The following GRB2 variants were observed in gnomAD, a reference collection of about 807,000 sequenced individuals.
GRB2 encodes growth factor receptor-bound protein 2.
GRB2 carries 2 observed loss-of-function variants against 27.4 expected under a neutral mutation model. That is an observed-to-expected ratio of 0.07 (90% confidence interval 0.03 to 0.23). The LOEUF (loss-of-function observed/expected upper bound fraction) is 0.23. Ranked by LOEUF, GRB2 falls within the 10% of genes least tolerant of loss-of-function variation. The pLI is 1.00. For missense variants in GRB2, 102 were observed against 282.4 expected, an observed-to-expected ratio of 0.36 and a Z score of 4.58; for synonymous variants, 94 against 99.6, an observed-to-expected ratio of 0.94 and a Z score of 0.33.
rs1486071092 is a variant in GRB2, at chr17:75,324,469, C to A, written c.299+1429G>T. Among the ~76,000 whole-genome samples, 5 of 143,946 alleles carry A rather than the reference C, an allele frequency of 3.5e-5. 1 individual carries two copies. Among genetic ancestry groups the A allele is most frequent in the Non-Finnish European group, 7.5e-5 (5 of 66,808 alleles). 94.4% of individuals were successfully genotyped at this position (143,946 alleles called of 152,430 possible). On this transcript the variant is annotated intron_variant, in intron 4 of 5. Coordinates refer to ENST00000316804, the MANE Select transcript of GRB2 (RefSeq NM_002086.5). ...AGGTGATCTGCCTGCCTCGGCCTCC[C>A]AAAGTGCTGGGATTACAGGTGTGAG... is the stretch of plus-strand genomic sequence containing the variant.
intron 3 of GRB2, among the ~76,000 whole-genome samples, chr17:75,327,388 TTAGA>T (rs2078505924): frequency 7.1e-6 from 1 of 140,254 alleles, no homozygotes; most frequent in Admixed American, 7.1e-5. Flanking sequence ...CCTTTTTTTT[TTAGA>T]TAGAGTCTCA....
At chr17:75,357,110 T>C (rs2078738583) in intron 2 of GRB2, among the ~76,000 whole-genome samples, 1 of 152,260 alleles carries the variant, frequency 6.6e-6, no homozygotes, top group African/African-American at 2.4e-5. Flanking sequence ...CTCACTGCTT[T>C]CACTTTGCCA....
At chr17:75,393,811 G>C (rs1353168597) in intron 1 of GRB2, 46 bp from the exon 2 acceptor site, 1 of 570,260 alleles carries the variant, frequency 1.8e-6, no homozygotes, top group Non-Finnish European at 3.1e-6. Context: ...AGGATTGAAG[G>C]CAACCCCGCC....
chr17:75,371,111 A>T lies in GRB2; in HGVS notation c.78+22440T>A, dbSNP rs370252251. The stretch of plus-strand genomic sequence containing the variant: ...GACTGCTTGAGTCCAGGAGTCCGAG[A>T]CCAGTCTGGGCAACATGGCAAGACC... On this transcript the variant is annotated intron_variant, in intron 2 of 5. Transcript: ENST00000316804. 1.7e-3 allele frequency: 259 copies of T among 152,546 alleles called. 8 individuals carry two copies. In the South Asian group the frequency reaches 0.047, roughly 28 times the overall value. 9.4% of individuals were successfully genotyped at this position (152,546 alleles called of 1,614,324 possible).
chr17:75,401,002 G>T (rs955139227), intron 1 of GRB2, among the ~76,000 whole-genome samples: 23 of 148,760 alleles, frequency 1.5e-4, no homozygotes, highest in Non-Finnish European at 2.8e-4. Context: ...TTGCTCTGTC[G>T]CCCAGGCTAG....
At chr17:75,376,983 C>T (rs1049702938) in intron 2 of GRB2, among the ~76,000 whole-genome samples, 2 of 152,086 alleles carry the variant, frequency 1.3e-5, no homozygotes, top group Non-Finnish European at 2.9e-5. Flanking sequence ...TGCACTCCAG[C>T]CTGGGTAAGA....
At chr17:75,391,602 AT>A (rs1420157664) in intron 2 of GRB2, among the ~76,000 whole-genome samples, 1 of 152,080 alleles carries the variant, frequency 6.6e-6, no homozygotes, top group Admixed American at 6.6e-5. Flanking sequence ...AGGTCAGGAG[AT>A]TGAGATCATC....
intron 2 of GRB2, among the ~76,000 whole-genome samples, chr17:75,352,040 A>G (rs1254259819): frequency 6.6e-6 from 1 of 152,252 alleles, no homozygotes; most frequent in South Asian, 2.1e-4. Flanking sequence ...CTCTAATGGA[A>G]TCGGAGACAA....
chr17:75,379,611 G>A (rs934686485), intron 2 of GRB2, among the ~76,000 whole-genome samples: 2 of 151,808 alleles, frequency 1.3e-5, no homozygotes, highest in Non-Finnish European at 2.9e-5. Flanking sequence ...TGTTGCCCAG[G>A]CTGGTCTTGA....
chr17:75,326,041 G>A (rs748165454), intron 3 of GRB2, 21 bp from the exon 4 acceptor site: 2 of 1,613,730 alleles, frequency 1.2e-6, no homozygotes, highest in South Asian at 2.2e-5. Flanking sequence ...AAGGCAAGCT[G>A]GTCAACATCT....
At chr17:75,358,178 G>T (rs927307027) in intron 2 of GRB2, among the ~76,000 whole-genome samples, 2 of 151,972 alleles carry the variant, frequency 1.3e-5, no homozygotes, top group African/African-American at 2.4e-5. Flanking sequence ...TAATTATTAG[G>T]TTCACTGCCC....
intron 2 of GRB2, among the ~76,000 whole-genome samples, chr17:75,390,855 C>T (rs995927885): frequency 1.3e-5 from 2 of 152,154 alleles, no homozygotes; most frequent in Admixed American, 6.5e-5. Context: ...TCCATATGCA[C>T]GTCTCCTTTA....
At chr17:75,385,217 G>A (rs2078956564) in intron 2 of GRB2, among the ~76,000 whole-genome samples, 1 of 151,860 alleles carries the variant, frequency 6.6e-6, no homozygotes, top group African/African-American at 2.4e-5. Context: ...TCCCAGCCTG[G>A]GTGACAGAGC....
chr17:75,338,184 C>T (rs1293447354), intron 2 of GRB2, among the ~76,000 whole-genome samples: 3 of 152,020 alleles, frequency 2.0e-5, no homozygotes, highest in Non-Finnish European at 4.4e-5. Flanking sequence ...CCTGCCTTGG[C>T]CTCCTGAGTA....
At chr17:75,354,957 G>A (rs371207527) in intron 2 of GRB2, among the ~76,000 whole-genome samples, 2 of 152,146 alleles carry the variant, frequency 1.3e-5, no homozygotes, top group African/African-American at 2.4e-5. Context: ...ACAGGCACAT[G>A]CCAACATGCC....
rs2078453606 is a variant in GRB2 at position 75,320,830 on chromosome 17, G to A, written c.469-277C>T. Among the ~76,000 whole-genome samples the A allele has an allele frequency of 6.6e-6, 1 of 152,168 alleles. No individual in the cohort carries two copies. ...TGCCGTATTATCAAGTAGAGGGCAG[G>A]CAGTGCTTGGAGGAGAAAGTTCTTC... On this transcript the variant is annotated intron_variant, in intron 5 of 5. Transcript: ENST00000316804. The surrounding 1 kb of genome is among the most constrained non-coding windows in gnomAD (Gnocchi z 4.3).
chr17:75,399,974 C>CCGACAATTTTGAAATA (rs1171192949), intron 1 of GRB2, among the ~76,000 whole-genome samples: 4 of 151,722 alleles, frequency 2.6e-5, no homozygotes, highest in African/African-American at 4.8e-5. Flanking sequence ...CCGGCCCTGA[C>CCGACAATTTTGAAATA]CGACAATTTT....
At chr17:75,374,757 C>T (rs1156734043) in intron 2 of GRB2, among the ~76,000 whole-genome samples, 4 of 152,042 alleles carry the variant, frequency 2.6e-5, no homozygotes, top group Non-Finnish European at 5.9e-5. Context: ...CGCCACTGCA[C>T]TCCCAACCTG....
intron 1 of GRB2, among the ~76,000 whole-genome samples, chr17:75,397,603 GTA>G (rs1357644159): frequency 1.3e-5 from 2 of 152,060 alleles, no homozygotes; most frequent in Non-Finnish European, 2.9e-5. Context: ...CAACAGTCCA[GTA>G]TAGCTTAGTG....
Sources: gnomAD v4.1 joint callset for allele counts (sites outside exome capture counted in the v4.1 genomes callset) on GRCh38, gnomAD v4.1.1 for gene constraint, Gnocchi (gnomAD v3.1) non-coding constraint, MANE v1.5 for transcripts, NCBI Gene and HGNC (gene_info 2026-07-23, HGNC 2026-07-21) for gene names.